Variants in DEPDC5 observed in about 807,000 individuals in gnomAD.
The protein encoded by DEPDC5 is DEP domain containing 5, GATOR1 subcomplex subunit.
Under a neutral mutation model 217.3 loss-of-function variants are expected in DEPDC5, and 73 were observed. The ratio of observed to expected loss-of-function variants is 0.34; its 90% CI spans 0.28 to 0.41. The LOEUF is 0.41. Ranked by LOEUF, DEPDC5 falls within the 10% of genes least tolerant of loss-of-function variation. DEPDC5 has a pLI of 1.00. For synonymous variants in DEPDC5, 733 were observed against 756.7 expected (o/e 0.97, Z 0.51); for missense variants, 1,675 against 2,070.1 (o/e 0.81, Z 3.70).
At chr22:31,880,050 G>C (rs779024241) in intron 38 of DEPDC5, 3 of 383,826 alleles carry the variant, frequency 7.8e-6, no homozygotes, top group Non-Finnish European at 1.5e-5. Flanking sequence ...GGTTCTGTAG[G>C]ATATAGGAGA....
chr22:31,798,045 C>T lies in DEPDC5; in HGVS notation c.871+342C>T, dbSNP rs371893022. ...AAGCAATCCTCCTGCCTCAGCCTCC[C>T]GGGTAGCTAGGACGACAGGCATGCA... On this transcript the variant is annotated intron_variant, in intron 13 of 42. Transcript: ENST00000651528. Among the ~76,000 whole-genome samples the T allele has an allele frequency of 3.3e-5, 5 of 151,950 alleles. No homozygotes were observed. In the East Asian group the frequency reaches 9.7e-4, roughly 29 times the overall value.
chr22:31,785,670 C>T (rs1466462071), intron 10 of DEPDC5, among the ~76,000 whole-genome samples: 1 of 150,460 alleles, frequency 6.6e-6, no homozygotes, highest in Non-Finnish European at 1.5e-5. Context: ...AAAAGGGGAA[C>T]GAAGTTGGAG....
At chr22:31,900,716 G>A (rs1447125110) in intron 40 of DEPDC5, among the ~76,000 whole-genome samples, 1 of 151,874 alleles carries the variant, frequency 6.6e-6, no homozygotes, top group Admixed American at 6.6e-5. Context: ...TCCAGCCTGG[G>A]CAACAAGAGC....
At chr22:31,819,569 G>A (rs905333651) in intron 22 of DEPDC5, among the ~76,000 whole-genome samples, 1 of 151,304 alleles carries the variant, frequency 6.6e-6, no homozygotes, top group African/African-American at 2.4e-5. Flanking sequence ...TCAGGGCTCA[G>A]GTGATTCTCC....
chr22:31,807,370 T>G (rs1408089267), intron 18 of DEPDC5, among the ~76,000 whole-genome samples: 1 of 152,206 alleles, frequency 6.6e-6, no homozygotes, highest in Non-Finnish European at 1.5e-5. Context: ...ATCCACTTGA[T>G]GGAATATATT....
chr22:31,861,529 A>C, intron 33 of DEPDC5, 96 bp downstream of exon 33: 1 of 1,336,310 alleles, frequency 7.5e-7, no homozygotes, highest in Non-Finnish European at 1.0e-6. Flanking sequence ...TTGGGCTGCA[A>C]CTAAGTTTGG....
intron 24 of DEPDC5, chr22:31,831,349 G>A (rs2090580703): frequency 6.6e-6 from 1 of 152,196 alleles, no homozygotes; most frequent in African/African-American, 2.4e-5. Flanking sequence ...CTTAATACAT[G>A]TATCTTCTAG....
intron 17 of DEPDC5, 184 bp downstream of exon 17, chr22:31,805,099 G>A: frequency 2.0e-6 from 1 of 499,362 alleles, no homozygotes; most frequent in East Asian, 3.6e-5. Flanking sequence ...CATAGGAACA[G>A]TCTATGGTGA....
chr22:31,885,407 C>T (rs1485703596), intron 38 of DEPDC5, among the ~76,000 whole-genome samples: 2 of 152,206 alleles, frequency 1.3e-5, no homozygotes, highest in African/African-American at 4.8e-5. Flanking sequence ...CTCCCTCCCT[C>T]ACTTGCTTCA....
intron 29 of DEPDC5, among the ~76,000 whole-genome samples, chr22:31,844,024 G>A (rs576772378): frequency 7.9e-5 from 12 of 152,048 alleles, no homozygotes; most frequent in African/African-American, 2.2e-4. Context: ...TCAGGAGTTC[G>A]AGACCAGCCT....
At chr22:31,832,828 A>G (rs1414803849) in intron 24 of DEPDC5, among the ~76,000 whole-genome samples, 1 of 152,198 alleles carries the variant, frequency 6.6e-6, no homozygotes, top group Non-Finnish European at 1.5e-5. Context: ...GTCCTTTGCC[A>G]GGTGCATGAT....
At chr22:31,821,380 GTTCT>G (rs2089682373) in intron 22 of DEPDC5, 118 bp from the exon 23 acceptor site, 1 of 1,370,948 alleles carries the variant, frequency 7.3e-7, no homozygotes, top group Non-Finnish European at 1.0e-6. Context: ...TCTGTGGTGT[GTTCT>G]TCTTTCAATC....
chr22:31,867,330 G>C (rs148549601), intron 33 of DEPDC5, among the ~76,000 whole-genome samples: 1 of 152,292 alleles, frequency 6.6e-6, no homozygotes, highest in African/African-American at 2.4e-5. Context: ...GCCTTGTAAA[G>C]TAGATAGAAT....
At chr22:31,849,322 G>A (rs1274337448) in intron 31 of DEPDC5, among the ~76,000 whole-genome samples, 1 of 152,140 alleles carries the variant, frequency 6.6e-6, no homozygotes, top group Non-Finnish European at 1.5e-5. Flanking sequence ...CCAGAGACTG[G>A]GTAATTTATA....
At position 31,792,048 on chromosome 22, in the gene DEPDC5, C is replaced by G. The variant is rs886039276; in HGVS notation, c.640C>G (p.His214Asp). The G allele has an allele frequency of 7.5e-6, 12 of 1,610,292 alleles. No homozygotes were observed. Among genetic ancestry groups the G allele is most frequent in the Non-Finnish European group, 1.0e-5 (12 of 1,177,822 alleles). Residue 214 changes from histidine to aspartate, a missense_variant, in exon 11 of 43, where the codon CAT (histidine) becomes GAT (aspartate). His to Asp is a moderately conservative substitution (Grantham distance 81). Coordinates refer to ENST00000651528, the MANE Select transcript of DEPDC5 (RefSeq NM_001242896.3). ...FTKWKEKNCS[H>D]EVTVVLFSRT... is the part of the protein sequence containing the mutation. ...TCATGCTTAGGAGAAGAACTGTAGTCATGAAGTGACAGTGGTCCTGTTTTC... is the reference window on the plus strand; with the variant it reads ...TCATGCTTAGGAGAAGAACTGTAGTGATGAAGTGACAGTGGTCCTGTTTTC...
chr22:31,905,654 C>A (rs1019792956), intron 41 of DEPDC5, among the ~76,000 whole-genome samples: 63 of 151,728 alleles, frequency 4.2e-4, no homozygotes, highest in Non-Finnish European at 7.4e-5. Flanking sequence ...GTAGGAGGGA[C>A]GGGCTGTCTG....
intron 26 of DEPDC5, 53 bp from the exon 27 acceptor site, chr22:31,838,632 G>A: frequency 1.3e-6 from 2 of 1,597,048 alleles, no homozygotes; most frequent in Non-Finnish European, 1.7e-6. Flanking sequence ...GCACTCTTAA[G>A]TGTCACTGTC....
At chr22:31,800,545 G>T (rs889178131) in intron 14 of DEPDC5, among the ~76,000 whole-genome samples, 1 of 151,976 alleles carries the variant, frequency 6.6e-6, no homozygotes, top group Non-Finnish European at 1.5e-5. Flanking sequence ...GATCTTCCTT[G>T]GGTTCTTTGA....
At chr22:31,778,269 G>C in intron 8 of DEPDC5, 101 bp downstream of exon 8, 1 of 1,188,804 alleles carries the variant, frequency 8.4e-7, no homozygotes. Context: ...ACACCAAGGT[G>C]GGCAGATTGC....
Sources: allele counts gnomAD v4.1 joint callset (sites outside exome capture counted in the v4.1 genomes callset), GRCh38; gene constraint gnomAD v4.1.1; transcripts MANE v1.5; gene names NCBI Gene and HGNC (gene_info 2026-07-23, HGNC 2026-07-21).